TAPT1: variants seen among roughly 807,000 people sequenced by gnomAD.
The protein encoded by TAPT1 is transmembrane anterior posterior transformation 1.
Under a neutral mutation model 65.6 loss-of-function variants are expected in TAPT1, and 28 were observed. The ratio of observed to expected loss-of-function variants is 0.43; its 90% CI spans 0.32 to 0.59. The LOEUF (loss-of-function observed/expected upper bound fraction) is 0.59. Among genes scored for constraint, TAPT1 ranks in the 20% least tolerant of loss-of-function variants. The pLI is 0.09. For missense variants in TAPT1, 563 were observed against 679.9 expected (o/e 0.83, Z 1.91); for synonymous variants, 278 against 245.2 (o/e 1.13, Z -1.25).
intron 7 of TAPT1, among the ~76,000 whole-genome samples, chr4:16,181,843 C>T (rs919496087): frequency 6.6e-6 from 1 of 152,220 alleles, no homozygotes; most frequent in African/African-American, 2.4e-5. Context: ...GTTGGGATTA[C>T]AGGCGTGAGC....
intron 7 of TAPT1, chr4:16,182,704 C>T (rs1216440979): frequency 1.3e-5 from 2 of 152,164 alleles, no homozygotes; most frequent in African/African-American, 4.8e-5. Flanking sequence ...AAAAAACTAC[C>T]TAAAATTCTT....
intron 12 of TAPT1, among the ~76,000 whole-genome samples, chr4:16,170,385 T>C (rs1747914783): frequency 6.6e-6 from 1 of 152,250 alleles, no homozygotes; most frequent in Non-Finnish European, 1.5e-5. Context: ...ATCAAAAAAA[T>C]GTGAGTGAAA....
intron 3 of TAPT1, among the ~76,000 whole-genome samples, chr4:16,201,981 C>T (rs1289490815): frequency 6.6e-6 from 1 of 152,160 alleles, no homozygotes; most frequent in Admixed American, 6.5e-5. Flanking sequence ...GTAACTAAGG[C>T]TCCACAGATC....
intron 12 of TAPT1, among the ~76,000 whole-genome samples, chr4:16,168,371 A>G (rs776527362): frequency 6.6e-6 from 1 of 152,140 alleles, no homozygotes; most frequent in African/African-American, 2.4e-5. Flanking sequence ...AGCCTGCCAA[A>G]GTCCTGGGGC....
intron 13 of TAPT1, 37 bp from the exon 14 acceptor site, chr4:16,163,574 T>TC: frequency 1.4e-6 from 2 of 1,461,524 alleles, no homozygotes; most frequent in Admixed American, 1.9e-5. Flanking sequence ...AGAGAAAGAC[T>TC]TTTCTCCAAT....
At position 16,162,992 on chromosome 4, in the gene TAPT1, C is replaced by T. The variant is rs752855349; in HGVS notation, c.*316G>A. 1 of 485,478 alleles carries T rather than the reference C, an allele frequency of 2.1e-6. No homozygotes were observed. The highest frequency in any genetic ancestry group is 1.5e-5 in the South Asian group (1 of 64,776). 30.1% of individuals were successfully genotyped at this position (485,478 alleles called of 1,614,324 possible). A position where few individuals can be genotyped will look rare whatever the true frequency, so the allele number is the denominator to read the frequency against. ...AGGCAAATTCAACATTCTGGAAGCC[C>T]AGACTGACAAAGCAAAACAGATTTT... On this transcript the variant is annotated 3_prime_UTR_variant, in exon 14 of 14. Transcript: ENST00000405303.
chr4:16,207,739 CAAT>C (rs1289744761), intron 2 of TAPT1, among the ~76,000 whole-genome samples: 2 of 152,184 alleles, frequency 1.3e-5, no homozygotes, highest in Non-Finnish European at 2.9e-5. Context: ...CCCCTTTCAA[CAAT>C]AATAGTCTAT....
intron 3 of TAPT1, among the ~76,000 whole-genome samples, chr4:16,194,078 AAC>A (rs1749546007): frequency 6.6e-6 from 1 of 152,234 alleles, no homozygotes. Context: ...TGAATCAAAG[AAC>A]AACGTGTTAG....
chr4:16,226,035 C>CGGCCGCGGG (rs1751531508), intron 1 of TAPT1: 2 of 1,006,682 alleles, frequency 2.0e-6, no homozygotes, highest in Non-Finnish European at 2.4e-6. Flanking sequence ...TGGCCTGGCG[C>CGGCCGCGGG]GGCCGCGGGG....
intron 3 of TAPT1, among the ~76,000 whole-genome samples, chr4:16,196,341 A>C (rs1749704542): frequency 6.6e-6 from 1 of 152,224 alleles, no homozygotes; most frequent in South Asian, 2.1e-4. Context: ...AAAACTGCTT[A>C]TATGGAAGGA....
chr4:16,215,457 T>TG (rs2108891791), intron 1 of TAPT1, among the ~76,000 whole-genome samples: 1 of 152,272 alleles, frequency 6.6e-6, no homozygotes, highest in East Asian at 1.9e-4. Flanking sequence ...GGCTTGCTTA[T>TG]GTTAGGGTTT....
At chr4:16,219,999 C>T (rs529111628) in intron 1 of TAPT1, among the ~76,000 whole-genome samples, 2 of 152,306 alleles carry the variant, frequency 1.3e-5, no homozygotes, top group South Asian at 2.1e-4. Context: ...GAGTTAGCCT[C>T]GCTGCTTCTG....
chr4:16,163,036 T>G lies in TAPT1; in HGVS notation c.*272A>C. 1.9e-6 allele frequency: 1 copy of G among 539,728 alleles called. No individual in the cohort carries two copies. The highest frequency in any genetic ancestry group is 3.5e-6 in the Non-Finnish European group (1 of 282,106). 33.4% of individuals were successfully genotyped at this position (539,728 alleles called of 1,614,324 possible). On this transcript the variant is annotated 3_prime_UTR_variant, in exon 14 of 14. Transcript: ENST00000405303. ...AGATTTTGATGTTGCCTTTGTTGGGTCCTGGAAATGATGCTGCTGCTTGGC... is the reference window on the plus strand; with the variant it reads ...AGATTTTGATGTTGCCTTTGTTGGGGCCTGGAAATGATGCTGCTGCTTGGC...
chr4:16,205,694 T>C (rs1295704178), intron 2 of TAPT1, among the ~76,000 whole-genome samples: 1 of 151,810 alleles, frequency 6.6e-6, no homozygotes, highest in East Asian at 1.9e-4. Context: ...GGCACTAGAT[T>C]TTGCCAGGCA....
chr4:16,201,034 CAAGT>C (rs1300533777), intron 3 of TAPT1, among the ~76,000 whole-genome samples: 1 of 152,102 alleles, frequency 6.6e-6, no homozygotes, highest in Non-Finnish European at 1.5e-5. Flanking sequence ...TCCTGGAAGG[CAAGT>C]AAGTTACAGA....
chr4:16,165,611 A>G (rs947383821), intron 13 of TAPT1, among the ~76,000 whole-genome samples: 3 of 152,016 alleles, frequency 2.0e-5, no homozygotes, highest in African/African-American at 7.2e-5. Flanking sequence ...TAAAAGTTAT[A>G]TGAACAAATA....
At chr4:16,201,719 T>G (rs1003981671) in intron 3 of TAPT1, among the ~76,000 whole-genome samples, 1 of 152,182 alleles carries the variant, frequency 6.6e-6, no homozygotes, top group Non-Finnish European at 1.5e-5. Context: ...GAAAACAGAT[T>G]ATCTGTTCTG....
chr4:16,187,267 T>C (rs1419677187), intron 5 of TAPT1, among the ~76,000 whole-genome samples: 3 of 152,170 alleles, frequency 2.0e-5, no homozygotes, highest in African/African-American at 7.2e-5. Flanking sequence ...ATACACATTC[T>C]GAATTAAAAT....
intron 8 of TAPT1, chr4:16,179,325 A>G (rs1748562945): frequency 2.7e-6 from 1 of 370,058 alleles, no homozygotes; most frequent in East Asian, 5.4e-5. Flanking sequence ...CTAAACACAG[A>G]AAAGGACACT....
Sources: gnomAD v4.1 joint callset for allele counts (sites outside exome capture counted in the v4.1 genomes callset) on GRCh38, gnomAD v4.1.1 for gene constraint, MANE v1.5 for transcripts, NCBI Gene and HGNC (gene_info 2026-07-23, HGNC 2026-07-21) for gene names.